Variants in STARD8 observed in about 807,000 individuals in gnomAD.
STARD8 encodes the protein stAR-related lipid transfer protein 8.
A neutral mutation model predicts 69.4 loss-of-function variants in STARD8; 25 were observed. That is an observed-to-expected ratio of 0.36 (90% CI 0.26 to 0.50). The LOEUF (loss-of-function observed/expected upper bound fraction) is 0.50. Among genes scored for constraint, STARD8 ranks in the 20% least tolerant of loss-of-function variants. STARD8 has a pLI of 0.96. For missense variants in STARD8, 921 were observed against 932.5 expected (o/e 0.99, Z 0.16); for synonymous variants, 389 against 374.6 (o/e 1.04, Z -0.45).
intron 2 of STARD8, among the ~76,000 whole-genome samples, chrX:68,674,642 AAGGT>A (rs1057509350): frequency 8.9e-6 from 1 of 111,737 alleles, no homozygotes; most frequent in Non-Finnish European, 1.9e-5. Flanking sequence ...ACAAGCAAAA[AAGGT>A]AGCCTTAGAG....
At chrX:68,690,436 C>CGGGGG (rs969719041) in intron 2 of STARD8, among the ~76,000 whole-genome samples, 1 of 101,624 alleles carries the variant, frequency 9.8e-6, no homozygotes, top group African/African-American at 3.9e-5. Flanking sequence ...GCAGGCAGGG[C>CGGGGG]GGGGGGACTG....
In STARD8 at chrX:68,717,252, G is replaced by A. The variant is rs370162893; in HGVS notation, c.338G>A (p.Ser113Asn). The A allele has an allele frequency of 8.3e-7, 1 of 1,203,538 alleles. No individual in the cohort carries two copies. Among genetic ancestry groups the A allele is most frequent in the Non-Finnish European group, 1.1e-6 (1 of 891,388 alleles). The change falls in exon 6 of 15, where the codon AGC becomes AAC. Residue 113 changes from serine to asparagine, a missense_variant. By Grantham distance (46) the Ser-to-Asn change is conservative. Transcript: ENST00000374599. ...GAGGAAGAGCAGTGTACCATCAGTA[G>A]CCACTGGGCCTTCCAGCAGGAAAGT... ...SEEEEQCTIS[S>N]HWAFQQESKC...
chrX:68,713,492 T>C (rs1268782651), intron 3 of STARD8, among the ~76,000 whole-genome samples: 1 of 111,857 alleles, frequency 8.9e-6, no homozygotes, highest in Non-Finnish European at 1.9e-5. Flanking sequence ...TCAACTTGCC[T>C]GGTCAATTCA....
At chrX:68,684,525 G>A (rs2079819420) in intron 2 of STARD8, among the ~76,000 whole-genome samples, 1 of 113,005 alleles carries the variant, frequency 8.8e-6, no homozygotes, top group Admixed American at 9.3e-5. Flanking sequence ...TCTGCTTGGA[G>A]GAAGCTGACT....
chrX:68,711,280 CAGAGAGACAGAGAGAGAA>C (rs943097370), intron 2 of STARD8, among the ~76,000 whole-genome samples: 1 of 109,183 alleles, frequency 9.2e-6, no homozygotes, highest in African/African-American at 3.4e-5. Flanking sequence ...GAGAGAGAGA[CAGAGAGACAGAGAGAGAA>C]AGAGAGGCAG....
rs1311553655 is a variant in STARD8 at position 68,724,782 on chromosome X, A to G, written c.*360A>G. On this transcript the variant is annotated 3_prime_UTR_variant, in exon 15 of 15. Transcript: ENST00000374599. ...TGCAGGGGCAAAGAGGTCGACAGCA[A>G]TGTGTGATCCCAGCTCTCTGCCAGA... 3 of 159,291 alleles carry G rather than the reference A, an allele frequency of 1.9e-5. No individual in the cohort carries two copies. Among genetic ancestry groups the G allele is most frequent in the South Asian group, 2.2e-4 (1 of 4,568 alleles). The allele number at this position is 159,291 out of a possible 1,213,427, so 13.1% of individuals were successfully genotyped here.
chrX:68,652,873 C>CAAACA (rs2079561110), intron 1 of STARD8, among the ~76,000 whole-genome samples: 1 of 1,537 alleles, frequency 6.5e-4, no homozygotes, highest in Non-Finnish European at 1.2e-3. Flanking sequence ...ACACACACAC[C>CAAACA]CACACCCCAC....
chrX:68,682,798 A>T (rs2079808898), intron 2 of STARD8, among the ~76,000 whole-genome samples: 1 of 112,683 alleles, frequency 8.9e-6, no homozygotes, highest in Non-Finnish European at 1.9e-5. Flanking sequence ...TGGTGGGTTA[A>T]GGAGGTGTGT....
Position 68,724,498 on chromosome X carries a change from C to G in STARD8, c.*76C>G. On this transcript the variant is annotated 3_prime_UTR_variant, in exon 15 of 15. Coordinates refer to ENST00000374599, the MANE Select transcript of STARD8 (RefSeq NM_001142503.3). ...GGAGCGAGGGGGAATAAGAGCAGGG[C>G]AGCCCCCTGGGTGCCGCTGTCAGGA... 1 of 921,636 alleles carries G rather than the reference C, an allele frequency of 1.1e-6. No individual in the cohort carries two copies. The highest frequency in any genetic ancestry group is 1.5e-6 in the Non-Finnish European group (1 of 656,248). The allele number at this position is 921,636 out of a possible 1,213,427, so 76.0% of individuals were successfully genotyped here.
chrX:68,652,371 G>C (rs1310490509), intron 1 of STARD8, among the ~76,000 whole-genome samples: 3 of 111,192 alleles, frequency 2.7e-5, no homozygotes, highest in Non-Finnish European at 5.7e-5. Flanking sequence ...TCTAGGAATA[G>C]AAGTGATCCA....
chrX:68,721,674 G>A lies in STARD8; in HGVS notation c.2387G>A (p.Gly796Asp), dbSNP rs2080150797. 1 of 1,212,275 alleles carries A rather than the reference G, an allele frequency of 8.2e-7. No homozygotes were observed. Among genetic ancestry groups the A allele is most frequent in the East Asian group, 3.0e-5 (1 of 33,859 alleles). Residue 796 changes from glycine to aspartate, a missense_variant, in exon 10 of 15, where the codon GGC becomes GAC. Gly to Asp is a moderately conservative substitution (Grantham distance 94). Transcript: ENST00000374599. ...GCCGAGGAAAACCAGATGACAGCAGGCAACCTGGCAGTGTGCCTGGCGCCC... is the reference window on the plus strand; with the variant it reads ...GCCGAGGAAAACCAGATGACAGCAGACAACCTGGCAGTGTGCCTGGCGCCC... ...ASAEENQMTA[G>D]NLAVCLAPSI...
At chrX:68,720,183 C>A in intron 7 of STARD8, 81 bp from the exon 8 acceptor site, 1 of 1,062,684 alleles carries the variant, frequency 9.4e-7, no homozygotes, top group Admixed American at 3.3e-5. Flanking sequence ...CCCCCCTCAC[C>A]CCACCTGATC....
intron 7 of STARD8, 120 bp from the exon 8 acceptor site, chrX:68,720,144 T>G: frequency 1.2e-6 from 1 of 845,603 alleles, no homozygotes; most frequent in Non-Finnish European, 1.6e-6. Context: ...TCAATGAGTG[T>G]TGACTCTGGG....
At chrX:68,654,701 G>GT (rs1354728877) in intron 1 of STARD8, among the ~76,000 whole-genome samples, 1 of 110,439 alleles carries the variant, frequency 9.1e-6, no homozygotes, top group African/African-American at 3.3e-5. Context: ...TGGGTGTGAG[G>GT]TTTCACACCC....
intron 2 of STARD8, chrX:68,693,777 G>T: frequency 1.3e-6 from 1 of 754,953 alleles, no homozygotes; most frequent in African/African-American, 2.3e-5. Context: ...CCTCCTGCCC[G>T]CTCGCTCTGT....
intron 2 of STARD8, among the ~76,000 whole-genome samples, chrX:68,667,404 G>A (rs982519326): frequency 2.7e-5 from 3 of 111,974 alleles, no homozygotes; most frequent in African/African-American, 6.5e-5. Context: ...AATAGACAGC[G>A]CATTAAAAAT....
chrX:68,718,957 G>C (rs781091938), intron 6 of STARD8, among the ~76,000 whole-genome samples: 1 of 110,605 alleles, frequency 9.0e-6, no homozygotes, highest in South Asian at 3.9e-4. Flanking sequence ...CTCCACAGTA[G>C]TCTTGGGATG....
At chrX:68,666,379 C>A (rs1426835931) in intron 2 of STARD8, among the ~76,000 whole-genome samples, 1 of 111,992 alleles carries the variant, frequency 8.9e-6, no homozygotes, top group Non-Finnish European at 1.9e-5. Flanking sequence ...AGCATAGCTT[C>A]TAGGAGACAG....
intron 2 of STARD8, among the ~76,000 whole-genome samples, chrX:68,697,584 G>T (rs2079930660): frequency 8.9e-6 from 1 of 112,650 alleles, no homozygotes; most frequent in Admixed American, 9.3e-5. Context: ...CCTGCGCCTG[G>T]CCCCTGAGGC....
Sources: gnomAD v4.1 joint callset for allele counts (sites outside exome capture counted in the v4.1 genomes callset) on GRCh38, gnomAD v4.1.1 for gene constraint, MANE v1.5 for transcripts, NCBI Gene and HGNC (gene_info 2026-07-23, HGNC 2026-07-21) for gene names.